Variants in WNT2 observed in about 807,000 individuals in gnomAD.
The protein encoded by WNT2 is protein Wnt-2.
Under a neutral mutation model 36.9 loss-of-function variants are expected in WNT2, and 12 were observed. The observed-to-expected ratio is 0.33, with a 90% CI of 0.21 to 0.53. WNT2 has a LOEUF of 0.53. Among genes scored for constraint, WNT2 ranks in the 20% least tolerant of loss-of-function variants. The pLI, the probability that WNT2 is intolerant of heterozygous loss-of-function variation, is 0.95. For missense variants in WNT2, 379 were observed against 473.1 expected (o/e 0.80, Z 1.84); for synonymous variants, 163 against 174.6 (o/e 0.93, Z 0.52).
intron 3 of WNT2, among the ~76,000 whole-genome samples, chr7:117,307,932 A>C (rs1188553016): frequency 6.6e-6 from 1 of 152,252 alleles, no homozygotes; most frequent in Non-Finnish European, 1.5e-5. Context: ...TGAGCATTTG[A>C]AGAAGTGTTA....
At chr7:117,278,458 G>C in intron 4 of WNT2, 74 bp from the exon 5 acceptor site, 19 of 1,423,684 alleles carry the variant, frequency 1.3e-5, no homozygotes, top group Non-Finnish European at 1.8e-5. Flanking sequence ...GAGGAGTCAC[G>C]AGGTCCATCC....
chr7:117,301,781 T>C lies in WNT2; in HGVS notation c.589-3905A>G, dbSNP rs370894408. Among the ~76,000 whole-genome samples, 7 of 151,940 alleles carry C rather than the reference T, an allele frequency of 4.6e-5. No homozygotes were observed. In the East Asian group the frequency reaches 9.6e-4, roughly 21 times the overall value. ...TGATTTGAATTGTGATTTTGAATTA[T>C]GCATTCTGTTTCCCTCCATTCTTTT... On this transcript the variant is annotated intron_variant, in intron 3 of 4. Transcript: ENST00000265441.
intron 3 of WNT2, among the ~76,000 whole-genome samples, chr7:117,305,142 G>A (rs926920364): frequency 2.6e-5 from 4 of 152,140 alleles, no homozygotes; most frequent in African/African-American, 9.7e-5. Context: ...CTTCCAGCCC[G>A]CGTCCTCTAG....
At chr7:117,285,094 C>T (rs966582070) in intron 4 of WNT2, among the ~76,000 whole-genome samples, 4 of 152,308 alleles carry the variant, frequency 2.6e-5, no homozygotes, top group East Asian at 1.9e-4. Context: ...AAATGAGTAA[C>T]GTGCAAAGAT....
In WNT2 at chr7:117,320,601, C is replaced by T; in HGVS notation, c.276G>A (p.Arg92=). The T allele has an allele frequency of 1.2e-6, 2 of 1,613,872 alleles. No individual in the cohort carries two copies. The highest frequency in any genetic ancestry group is 1.7e-6 in the Non-Finnish European group (2 of 1,179,918). Reference sequence around the variant, plus strand: ...GGACCCTGCCAAAAAGGCTGTGATCCCTGTCCAGGGTGTTGCAATTCCAGC... The same window carrying T: ...GGACCCTGCCAAAAAGGCTGTGATCTCTGTCCAGGGTGTTGCAATTCCAGC... The part of the protein sequence containing the change: ...QHRWNCNTLD[R]DHSLFGRVLL... Residue 92 remains arginine (R), a synonymous_variant, in exon 2 of 5, where the codon AGG becomes AGA. Coordinates refer to ENST00000265441, the MANE Select transcript of WNT2 (RefSeq NM_003391.3).
At chr7:117,294,356 T>A (rs925335161) in intron 4 of WNT2, among the ~76,000 whole-genome samples, 1 of 152,202 alleles carries the variant, frequency 6.6e-6, no homozygotes, top group Non-Finnish European at 1.5e-5. Context: ...AATAAAAAAA[T>A]TTTAACTATC....
Position 117,297,556 on chromosome 7 carries a change from T to C in WNT2, c.853+56A>G. 9.6e-6 allele frequency: 15 copies of C among 1,554,466 alleles called. 1 individual carries two copies. In the South Asian group the frequency reaches 1.8e-4, roughly 18 times the overall value. ...AAAATACAGAACCTCATTTAAATTG[T>C]GGAGTATCAATTGTTGAAAGAATTA... On this transcript the variant is annotated intron_variant, in intron 4 of 4. Coordinates refer to ENST00000265441, the MANE Select transcript of WNT2 (RefSeq NM_003391.3).
At chr7:117,316,241 T>C (rs1197433026) in intron 2 of WNT2, among the ~76,000 whole-genome samples, 2 of 152,210 alleles carry the variant, frequency 1.3e-5, no homozygotes, top group Non-Finnish European at 2.9e-5. Flanking sequence ...AAGGTACATA[T>C]TTCAGTGCAA....
rs1182237753 is a variant in WNT2 at position 117,322,678 on chromosome 7, C to T, written c.83+229G>A. Among the ~76,000 whole-genome samples the T allele has an allele frequency of 6.6e-6, 1 of 152,136 alleles. No individual in the cohort carries two copies. The highest frequency in any genetic ancestry group is 1.9e-4 in the East Asian group (1 of 5,184). On this transcript the variant is annotated intron_variant, in intron 1 of 4. Coordinates refer to ENST00000265441, the MANE Select transcript of WNT2 (RefSeq NM_003391.3). This position sits in a 1 kb window ranked among gnomAD's most constrained non-coding sequence, Gnocchi z 5.4. ...GATCCAAATAAACCAAACATCGGAG[C>T]TCTCATTTGAGGGGGAATGTGGTTT... is the stretch of plus-strand genomic sequence containing the variant.
chr7:117,316,266 T>G (rs1795215594), intron 2 of WNT2, among the ~76,000 whole-genome samples: 1 of 152,236 alleles, frequency 6.6e-6, no homozygotes, highest in Admixed American at 6.5e-5. Flanking sequence ...TACATTAAAT[T>G]ATTTTAATAA....
chr7:117,320,667 G>T lies in WNT2; in HGVS notation c.210C>A (p.Ala70=). Residue 70 remains alanine, a synonymous_variant, in exon 2 of 5, where the codon GCC becomes GCA. Transcript: ENST00000265441. ...GGTGCTGGCATTCTGCTGTCCACTC[G>T]GCCACGCCCTGGCTAATGGCACGCA... ...DVMRAISQGV[A]EWTAECQHQF... The T allele has an allele frequency of 6.2e-7, 1 of 1,613,828 alleles. No individual in the cohort carries two copies. Among genetic ancestry groups the T allele is most frequent in the Non-Finnish European group, 8.5e-7 (1 of 1,179,918 alleles).
Position 117,320,706 on chromosome 7 carries a change from T to G in WNT2, c.171A>C (p.Arg57=). 6.2e-7 allele frequency: 1 copy of G among 1,614,016 alleles called. No homozygotes were observed. The highest frequency in any genetic ancestry group is 8.5e-7 in the Non-Finnish European group (1 of 1,179,986). ...LVSSQRQLCH[R]HPDVMRAISQ... is the part of the protein sequence containing the mutation. ...TAATGGCACGCATCACATCTGGATGTCGGTGACACAGCTGCCGCTGGCTGC... is the reference window on the plus strand; with the variant it reads ...TAATGGCACGCATCACATCTGGATGGCGGTGACACAGCTGCCGCTGGCTGC... Residue 57 remains arginine (R), a synonymous_variant, in exon 2 of 5, where the codon CGA becomes CGC. Coordinates refer to ENST00000265441, the MANE Select transcript of WNT2 (RefSeq NM_003391.3).
intron 4 of WNT2, among the ~76,000 whole-genome samples, chr7:117,288,028 GCCT>G (rs1794618038): frequency 1.3e-5 from 2 of 152,002 alleles, no homozygotes; most frequent in Non-Finnish European, 2.9e-5. Flanking sequence ...CTTTCCTTTT[GCCT>G]GATGAGGGCA....
At chr7:117,297,497 G>C in intron 4 of WNT2, 115 bp downstream of exon 4, 1 of 1,312,316 alleles carries the variant, frequency 7.6e-7, no homozygotes, top group East Asian at 2.4e-5. Context: ...GAATGATAAG[G>C]ATCGTGAGCT....
chr7:117,307,511 GC>G (rs1409689308), intron 3 of WNT2, among the ~76,000 whole-genome samples: 2 of 152,180 alleles, frequency 1.3e-5, no homozygotes, highest in African/African-American at 4.8e-5. Context: ...AGTCTCTGGG[GC>G]TCATGTTCCT....
At chr7:117,316,906 G>A (rs1479263783) in intron 2 of WNT2, among the ~76,000 whole-genome samples, 2 of 152,176 alleles carry the variant, frequency 1.3e-5, no homozygotes, top group Non-Finnish European at 2.9e-5. Context: ...GAGATGTTTT[G>A]TAAAAGAAGG....
intron 2 of WNT2, among the ~76,000 whole-genome samples, chr7:117,319,728 G>A (rs1008866140): frequency 6.6e-6 from 1 of 152,180 alleles, no homozygotes; most frequent in Non-Finnish European, 1.5e-5. Context: ...GTCCTAGCTA[G>A]TGAGCTACTT....
At chr7:117,302,957 T>G (rs1477459084) in intron 3 of WNT2, among the ~76,000 whole-genome samples, 4 of 152,264 alleles carry the variant, frequency 2.6e-5, no homozygotes, top group Non-Finnish European at 4.4e-5. Context: ...TTACTCCACA[T>G]AGTAAAATAA....
intron 4 of WNT2, among the ~76,000 whole-genome samples, chr7:117,280,044 C>A (rs1198513887): frequency 6.6e-6 from 1 of 151,968 alleles, no homozygotes; most frequent in Non-Finnish European, 1.5e-5. Flanking sequence ...TCAAGCAGGG[C>A]ACGGGGTCAA....
Sources: gnomAD v4.1 joint callset for allele counts (sites outside exome capture counted in the v4.1 genomes callset) on GRCh38, gnomAD v4.1.1 for gene constraint, Gnocchi (gnomAD v3.1) non-coding constraint, MANE v1.5 for transcripts, NCBI Gene and HGNC (gene_info 2026-07-23, HGNC 2026-07-21) for gene names.